ZNG1B: variants seen among roughly 807,000 people sequenced by gnomAD.
The protein encoded by ZNG1B is Zn regulated GTPase metalloprotein activator 1B, also known as zinc-regulated GTPase metalloprotein activator 1B.
chr2:113,457,652 A>G, the ZNG1B span, among the ~76,000 whole-genome samples: 26,874 of 142,706 alleles, frequency 0.19, 3,069 homozygotes, highest in East Asian at 0.5. Flanking sequence ...TTGAGGTACA[A>G]TTGACAAGTA....
chr2:113,492,256 T>C, the ZNG1B span, among the ~76,000 whole-genome samples: 1 of 139,724 alleles, frequency 7.2e-6, no homozygotes, highest in Non-Finnish European at 1.6e-5. Flanking sequence ...CATCAATCAA[T>C]GCGTGGATAA....
the ZNG1B span, chr2:113,441,245 T>A: frequency 2.5e-5 from 36 of 1,416,602 alleles, no homozygotes; most frequent in Non-Finnish European, 3.4e-5. Flanking sequence ...AAATAATATA[T>A]GAAAAATAGC....
the ZNG1B span, among the ~76,000 whole-genome samples, chr2:113,476,713 T>A: frequency 4.8e-3 from 731 of 152,086 alleles, 3 homozygotes; most frequent in Non-Finnish European, 6.9e-3. Context: ...ATGTCCTTTC[T>A]GTTTGTTAGT....
the ZNG1B span, chr2:113,437,975 C>G: frequency 1.9e-6 from 3 of 1,612,006 alleles, no homozygotes; most frequent in Non-Finnish European, 2.5e-6. Flanking sequence ...GAGGAAAAGT[C>G]TGGCCTCGGC....
chr2:113,456,606 CAA>C, the ZNG1B span, among the ~76,000 whole-genome samples: 2 of 151,828 alleles, frequency 1.3e-5, no homozygotes. Flanking sequence ...GCCAAAAAAA[CAA>C]AGCAACATTC....
At chr2:113,446,315 T>C in the ZNG1B span, among the ~76,000 whole-genome samples, 1 of 152,206 alleles carries the variant, frequency 6.6e-6, no homozygotes, top group Non-Finnish European at 1.5e-5. Flanking sequence ...TAAAAAATCT[T>C]AATGTTTCTT....
At chr2:113,490,644 G>A in the ZNG1B span, among the ~76,000 whole-genome samples, 1 of 152,046 alleles carries the variant, frequency 6.6e-6, no homozygotes, top group Admixed American at 6.6e-5. Context: ...AATGAAACGG[G>A]AGATATTACA....
At chr2:113,463,160 G>A in the ZNG1B span, among the ~76,000 whole-genome samples, 1 of 151,982 alleles carries the variant, frequency 6.6e-6, no homozygotes, top group Non-Finnish European at 1.5e-5. Flanking sequence ...TTTGCTGACT[G>A]TTCTGGAGAC....
the ZNG1B span, among the ~76,000 whole-genome samples, chr2:113,478,790 A>T: frequency 1.4e-5 from 2 of 147,684 alleles, no homozygotes; most frequent in Admixed American, 1.4e-4. Flanking sequence ...TGTAGTTTGT[A>T]AAAAAAAAAT....
At chr2:113,456,927 C>T in the ZNG1B span, 2 of 431,570 alleles carry the variant, frequency 4.6e-6, no homozygotes, top group African/African-American at 4.0e-5. Context: ...CAGAGCCAGC[C>T]CATCACAAGT....
the ZNG1B span, among the ~76,000 whole-genome samples, chr2:113,440,344 T>G: frequency 6.6e-6 from 1 of 152,020 alleles, no homozygotes; most frequent in East Asian, 1.9e-4. Flanking sequence ...CTAGTAAATC[T>G]TCTCTTAGAA....
the ZNG1B span, chr2:113,470,925 T>G: frequency 3.5e-6 from 4 of 1,145,672 alleles, no homozygotes; most frequent in Non-Finnish European, 5.1e-6. Context: ...TGCCCACTTC[T>G]ATGAATTTTA....
the ZNG1B span, among the ~76,000 whole-genome samples, chr2:113,472,652 T>C: frequency 1.3e-5 from 2 of 152,126 alleles, no homozygotes; most frequent in Non-Finnish European, 2.9e-5. Flanking sequence ...CATGTTGAAT[T>C]GATTTTTGTA....
chr2:113,453,034 A>G, the ZNG1B span: 1 of 1,456,382 alleles, frequency 6.9e-7, no homozygotes, highest in Non-Finnish European at 9.3e-7. Context: ...AAGAAGATAT[A>G]TGTGTTTACC....
chr2:113,490,771 T>C, the ZNG1B span, among the ~76,000 whole-genome samples: 1 of 150,034 alleles, frequency 6.7e-6, no homozygotes, highest in Non-Finnish European at 1.5e-5. Context: ...CCCTCCTAGC[T>C]TAAATCAGGA....
the ZNG1B span, among the ~76,000 whole-genome samples, chr2:113,492,025 T>C: frequency 1.5e-5 from 2 of 133,270 alleles, no homozygotes; most frequent in African/African-American, 5.4e-5. Flanking sequence ...ACGGAACACT[T>C]CTACACTGCT....
chr2:113,487,666 T>C, the ZNG1B span, among the ~76,000 whole-genome samples: 1 of 151,342 alleles, frequency 6.6e-6, no homozygotes, highest in Non-Finnish European at 1.5e-5. Flanking sequence ...TCACTTAGTG[T>C]AATGTCCTCA....
chr2:113,452,875 T>C, the ZNG1B span, among the ~76,000 whole-genome samples: 4 of 149,552 alleles, frequency 2.7e-5, no homozygotes, highest in African/African-American at 9.9e-5. Flanking sequence ...AGAAGAATGA[T>C]GTTTTGTTTA....
chr2:113,441,186 C>G, the ZNG1B span, among the ~76,000 whole-genome samples: 2 of 152,232 alleles, frequency 1.3e-5, no homozygotes, highest in East Asian at 1.9e-4. Context: ...TATTTTGCAA[C>G]AGGTTTCAAA....
Sources: allele counts gnomAD v4.1 joint callset (sites outside exome capture counted in the v4.1 genomes callset), GRCh38; gene constraint gnomAD v4.1.1; transcripts MANE v1.5; gene names NCBI Gene and HGNC (gene_info 2026-07-23, HGNC 2026-07-21).